Variants in PRKCZ observed in about 807,000 individuals in gnomAD.
PRKCZ encodes protein kinase C zeta type.
In PRKCZ, 33 loss-of-function variants were observed where a neutral mutation model predicts 79.5. The observed-to-expected ratio is 0.41, with a 90% CI of 0.31 to 0.55. The LOEUF (loss-of-function observed/expected upper bound fraction) is 0.55. Among genes scored for constraint, PRKCZ ranks in the 20% least tolerant of loss-of-function variants. The pLI, the probability that PRKCZ is intolerant of heterozygous loss-of-function variation, is 0.19. For missense variants in PRKCZ, 578 were observed against 813.5 expected, an observed-to-expected ratio of 0.71 and a Z score of 3.52; for synonymous variants, 342 against 320.9, an observed-to-expected ratio of 1.07 and a Z score of -0.70.
At position 2,172,295 on chromosome 1, in the gene PRKCZ, C is replaced by T; in HGVS notation, c.1198-6C>T. On this transcript the variant is annotated splice_region_variant and splice_polypyrimidine_tract_variant and intron_variant, in intron 12 of 17. Transcript: ENST00000378567. This position sits in a 1 kb window ranked among gnomAD's most constrained non-coding sequence, Gnocchi z 7.8. ...GAACCCTCTCCCAGTAACTTTGCCC[C>T]CACAGGAAGGCCTGGGCCCTGGTGA... The T allele has an allele frequency of 6.2e-7, 1 of 1,613,626 alleles. No homozygotes were observed. Among genetic ancestry groups the T allele is most frequent in the East Asian group, 2.2e-5 (1 of 44,882 alleles).
intron 4 of PRKCZ, among the ~76,000 whole-genome samples, chr1:2,062,048 C>T (rs937853379): frequency 2.0e-5 from 3 of 152,186 alleles, no homozygotes. Flanking sequence ...AGGACTGCGG[C>T]TGTACCGTGG....
Position 2,106,212 on chromosome 1 carries a change from G to A in PRKCZ, c.335-29050G>A, listed in dbSNP as rs185652636. Reference sequence around the variant, plus strand: ...CAGGGCCGGACCCAGAGCCAGGGAAGGGAGGTGGAGCTCCAGCCAAGGCAT... The same window carrying A: ...CAGGGCCGGACCCAGAGCCAGGGAAAGGAGGTGGAGCTCCAGCCAAGGCAT... On this transcript the variant is annotated intron_variant, in intron 4 of 17. Coordinates refer to ENST00000378567, the MANE Select transcript of PRKCZ (RefSeq NM_002744.6). 6.7e-3 allele frequency among the ~76,000 whole-genome samples: 1,020 copies of A among 152,364 alleles called. 12 individuals are homozygous for A. The highest frequency in any genetic ancestry group is 0.024 in the African/African-American group (983 of 41,588).
At chr1:2,169,153 C>T (rs1399942523) in intron 10 of PRKCZ, 1 of 460,326 alleles carries the variant, frequency 2.2e-6, no homozygotes. Flanking sequence ...CTCGCTCCAG[C>T]CCCCAGCAGA....
intron 4 of PRKCZ, among the ~76,000 whole-genome samples, chr1:2,083,921 G>A (rs140310598): frequency 0.012 from 1,835 of 152,250 alleles, 33 homozygotes; most frequent in African/African-American, 0.042. Context: ...GGTTTCTTAC[G>A]CGTGCGTGTG....
At chr1:2,138,433 G>A (rs897730821) in intron 5 of PRKCZ, among the ~76,000 whole-genome samples, 2 of 152,186 alleles carry the variant, frequency 1.3e-5, no homozygotes, top group African/African-American at 2.4e-5. Context: ...TGGTGCCGGG[G>A]GTGGCAGGGA....
chr1:2,151,065 A>G, intron 9 of PRKCZ, 87 bp downstream of exon 9: 1 of 1,446,950 alleles, frequency 6.9e-7, no homozygotes, highest in Non-Finnish European at 9.3e-7. Flanking sequence ...TAATCCATGC[A>G]CGAGAGACCT....
intron 4 of PRKCZ, among the ~76,000 whole-genome samples, chr1:2,132,344 C>T (rs1309912283): frequency 6.6e-6 from 1 of 152,182 alleles, no homozygotes; most frequent in African/African-American, 2.4e-5. Context: ...TGAATGCTCC[C>T]GAGCCCAGGA....
intron 4 of PRKCZ, among the ~76,000 whole-genome samples, chr1:2,084,002 C>T (rs3121829): frequency 0.39 from 59,997 of 152,046 alleles, 12,940 homozygotes; most frequent in East Asian, 0.75. Flanking sequence ...GAGACCGAAG[C>T]GGGCAGATCA....
chr1:2,146,846 C>T (rs1205497951), intron 7 of PRKCZ, among the ~76,000 whole-genome samples: 1 of 152,220 alleles, frequency 6.6e-6, no homozygotes, highest in African/African-American at 2.4e-5. Context: ...CCTGCTCCTC[C>T]ACCCACCTAT....
At chr1:2,142,004 T>G (rs3123593) in intron 5 of PRKCZ, 1 of 38,382 alleles carries the variant, frequency 2.6e-5, no homozygotes, top group Non-Finnish European at 5.5e-5. Flanking sequence ...GAAGCGCCTC[T>G]TTTCACTCCA....
rs936101624 is a variant in PRKCZ, at chr1:2,125,151, T to C, written c.335-10111T>C. Among the ~76,000 whole-genome samples the C allele has an allele frequency of 6.6e-6, 1 of 152,124 alleles. No homozygotes were observed. The highest frequency in any genetic ancestry group is 2.4e-5 in the African/African-American group (1 of 41,430). On this transcript the variant is annotated intron_variant, in intron 4 of 17. Transcript: ENST00000378567. The surrounding 1 kb of genome is among the most constrained non-coding windows in gnomAD (Gnocchi z 4.2). ...TGAGGAACTCGGAGCAGCTTCTTGT[T>C]GTTGGTGTTGATGTGTTTTGTTTGT...
intron 4 of PRKCZ, among the ~76,000 whole-genome samples, chr1:2,065,157 T>C (rs1661013286): frequency 6.6e-6 from 1 of 152,374 alleles, no homozygotes; most frequent in East Asian, 1.9e-4. Context: ...TTATTGTAAG[T>C]GTATAAAAGT....
chr1:2,111,216 A>G (rs1451424415), intron 4 of PRKCZ, among the ~76,000 whole-genome samples: 1 of 152,068 alleles, frequency 6.6e-6, no homozygotes, highest in Admixed American at 6.5e-5. Context: ...CTGAGCCCTC[A>G]GGAGGGTGCT....
At chr1:2,137,003 C>T (rs1169882179) in intron 5 of PRKCZ, among the ~76,000 whole-genome samples, 1 of 152,106 alleles carries the variant, frequency 6.6e-6, no homozygotes, top group African/African-American at 2.4e-5. Flanking sequence ...CGAAGTCTTA[C>T]GATAGGCCAG....
chr1:2,104,731 G>T, intron 4 of PRKCZ: 3 of 985,728 alleles, frequency 3.0e-6, no homozygotes, highest in Non-Finnish European at 3.6e-6. Flanking sequence ...ATCGCTCGGT[G>T]CCAGACAGGC....
chr1:2,098,459 G>A (rs1180604245), intron 4 of PRKCZ: 1 of 152,186 alleles, frequency 6.6e-6, no homozygotes, highest in Admixed American at 6.5e-5. Flanking sequence ...CGAGTTGCTG[G>A]CTTCTCTAAG....
intron 4 of PRKCZ, among the ~76,000 whole-genome samples, chr1:2,113,688 A>G (rs942497566): frequency 6.6e-6 from 1 of 152,082 alleles, no homozygotes; most frequent in Admixed American, 6.5e-5. Flanking sequence ...TATCTCTGAG[A>G]GCCAATGGCA....
At chr1:2,145,116 G>C (rs1454754485) in intron 6 of PRKCZ, 1 of 152,310 alleles carries the variant, frequency 6.6e-6, no homozygotes, top group Non-Finnish European at 1.5e-5. Context: ...CACAGGGATG[G>C]GGGACCACGC....
rs577312942 is a variant in PRKCZ, at chr1:2,110,679, C to T, written c.335-24583C>T. 2.9e-5 allele frequency among the ~76,000 whole-genome samples: 4 copies of T among 139,590 alleles called. No individual in the cohort carries two copies. The East Asian group carries it at 7.6e-4, about 26-fold the overall frequency. 91.6% of individuals were successfully genotyped at this position (139,590 alleles called of 152,430 possible). On this transcript the variant is annotated intron_variant, in intron 4 of 17. Coordinates refer to ENST00000378567, the MANE Select transcript of PRKCZ (RefSeq NM_002744.6). Reference sequence around the variant, plus strand: ...TGGCCCAGGGAATGGGGGTTTGGATCGGCCTTGGTGACTGTGGGCCTCTGC... The same window carrying T: ...TGGCCCAGGGAATGGGGGTTTGGATTGGCCTTGGTGACTGTGGGCCTCTGC...
Sources: gnomAD v4.1 joint callset for allele counts (sites outside exome capture counted in the v4.1 genomes callset) on GRCh38, gnomAD v4.1.1 for gene constraint, Gnocchi (gnomAD v3.1) non-coding constraint, MANE v1.5 for transcripts, NCBI Gene and HGNC (gene_info 2026-07-23, HGNC 2026-07-21) for gene names.